Variants in CADM1 observed in about 807,000 individuals in gnomAD.
CADM1 encodes cell adhesion molecule 1.
A neutral mutation model predicts 53.1 loss-of-function variants in CADM1; 15 were observed. That is an observed-to-expected ratio of 0.28 (90% CI 0.19 to 0.44). The LOEUF is 0.44. Among genes scored for constraint, CADM1 ranks in the 20% least tolerant of loss-of-function variants. CADM1 has a pLI of 1.00. For missense variants in CADM1, 434 were observed against 611.3 expected, an observed-to-expected ratio of 0.71 and a Z score of 3.06; for synonymous variants, 281 against 243.0, an observed-to-expected ratio of 1.16 and a Z score of -1.45.
intron 1 of CADM1, among the ~76,000 whole-genome samples, chr11:115,291,224 GA>G (rs571372420): frequency 8.0e-5 from 12 of 150,416 alleles, no homozygotes; most frequent in East Asian, 2.0e-4. Context: ...TGCTTTGAGG[GA>G]AAAAAAAATG....
intron 1 of CADM1, among the ~76,000 whole-genome samples, chr11:115,460,167 C>G (rs1948764508): frequency 1.3e-5 from 2 of 152,046 alleles, no homozygotes; most frequent in Admixed American, 6.6e-5. Flanking sequence ...GCTTCTCAGT[C>G]TTACTTCTGG....
At chr11:115,379,185 T>C (rs1318835554) in intron 1 of CADM1, among the ~76,000 whole-genome samples, 4 of 152,250 alleles carry the variant, frequency 2.6e-5, no homozygotes, top group African/African-American at 9.6e-5. Context: ...CCAGGTCTTA[T>C]TTGATTTAGC....
chr11:115,209,700 C>T, intron 7 of CADM1, 43 bp from the exon 8 acceptor site: 23 of 1,607,944 alleles, frequency 1.4e-5, no homozygotes, highest in Non-Finnish European at 2.0e-5. Context: ...CAATGCTGAA[C>T]ACAACAATGA....
chr11:115,213,546 G>A (rs558958469), intron 7 of CADM1, among the ~76,000 whole-genome samples: 5 of 152,164 alleles, frequency 3.3e-5, no homozygotes, highest in Admixed American at 1.3e-4. Context: ...CAGATATGGT[G>A]TAAAGCATGC....
At chr11:115,293,283 A>C (rs1943956251) in intron 1 of CADM1, among the ~76,000 whole-genome samples, 1 of 152,008 alleles carries the variant, frequency 6.6e-6, no homozygotes, top group East Asian at 1.9e-4. Flanking sequence ...AACACAAACA[A>C]TTAGCTGGGC....
chr11:115,322,444 A>T (rs961440090), intron 1 of CADM1, among the ~76,000 whole-genome samples: 1 of 152,226 alleles, frequency 6.6e-6, no homozygotes, highest in African/African-American at 2.4e-5. Context: ...TCACCTGTTT[A>T]TAGTGTACAG....
At chr11:115,384,420 C>T (rs1235686103) in intron 1 of CADM1, among the ~76,000 whole-genome samples, 1 of 152,164 alleles carries the variant, frequency 6.6e-6, no homozygotes, top group Non-Finnish European at 1.5e-5. Context: ...CACCCTTAAA[C>T]CTAGACTCTT....
At chr11:115,273,329 C>T (rs1372428412) in intron 1 of CADM1, among the ~76,000 whole-genome samples, 3 of 152,120 alleles carry the variant, frequency 2.0e-5, no homozygotes, top group Admixed American at 6.5e-5. Context: ...TTTTTTCCAT[C>T]ATATTAAATT....
intron 1 of CADM1, among the ~76,000 whole-genome samples, chr11:115,318,654 G>C (rs1231078231): frequency 1.3e-5 from 2 of 152,190 alleles, no homozygotes; most frequent in Admixed American, 1.3e-4. Context: ...GGCAAGGAAA[G>C]ATGACGGCTT....
intron 1 of CADM1, among the ~76,000 whole-genome samples, chr11:115,474,168 G>A (rs530110910): frequency 6.6e-6 from 1 of 151,504 alleles, no homozygotes; most frequent in African/African-American, 2.4e-5. Context: ...GTGGGCGCCT[G>A]TAGTCCCAGC....
intron 1 of CADM1, among the ~76,000 whole-genome samples, chr11:115,387,752 T>C (rs1477438464): frequency 6.6e-6 from 1 of 152,140 alleles, no homozygotes; most frequent in African/African-American, 2.4e-5. Context: ...GAACTCACAA[T>C]TCCTAAAATA....
At chr11:115,410,649 A>G (rs572189062) in intron 1 of CADM1, among the ~76,000 whole-genome samples, 42 of 152,164 alleles carry the variant, frequency 2.8e-4, no homozygotes, top group Non-Finnish European at 4.9e-4. Context: ...TTCGATGTTT[A>G]AAAAAAGGGA....
At chr11:115,433,578 C>A (rs910617681) in intron 1 of CADM1, among the ~76,000 whole-genome samples, 1 of 152,170 alleles carries the variant, frequency 6.6e-6, no homozygotes, top group East Asian at 1.9e-4. Context: ...CAGAAGGAAG[C>A]AAACGCACAT....
In CADM1 at chr11:115,241,925, A is replaced by C. The variant is rs148717570; in HGVS notation, c.125-1505T>G. On this transcript the variant is annotated intron_variant, in intron 1 of 11. Coordinates refer to ENST00000331581, the MANE Select transcript of CADM1 (RefSeq NM_001301043.2). ...TATAAATAGAGATGCAATTAGAATA[A>C]ATGGAAGGTTTCTACCTGCTATCAT... Among the ~76,000 whole-genome samples the C allele has an allele frequency of 1.6e-3, 246 of 152,218 alleles. 1 individual carries two copies. Among genetic ancestry groups the C allele is most frequent in the African/African-American group, 5.7e-3 (237 of 41,530 alleles).
chr11:115,182,872 T>C (rs1939377590), intron 10 of CADM1, among the ~76,000 whole-genome samples: 1 of 152,210 alleles, frequency 6.6e-6, no homozygotes, highest in Non-Finnish European at 1.5e-5. Context: ...TAGCTTTTCT[T>C]TTGGCAAAAA....
At position 115,175,643 on chromosome 11, in the gene CADM1, C is replaced by T. The variant is rs1253054234; in HGVS notation, c.*831G>A. ...GAAAAAGGAGGAGTCCTTTCTGCCC[C>T]AAACCTTTCTGGACAGCGTAGGGTA... is the stretch of plus-strand genomic sequence containing the variant. On this transcript the variant is annotated 3_prime_UTR_variant, in exon 12 of 12. Coordinates refer to ENST00000331581, the MANE Select transcript of CADM1 (RefSeq NM_001301043.2). The T allele has an allele frequency of 1.0e-6, 1 of 985,588 alleles. No homozygotes were observed. The highest frequency in any genetic ancestry group is 1.7e-5 in the African/African-American group (1 of 57,208). 61.1% of individuals were successfully genotyped at this position (985,588 alleles called of 1,614,324 possible). A position where few individuals can be genotyped will look rare whatever the true frequency, so the allele number is the denominator to read the frequency against.
chr11:115,254,479 G>A (rs778709127), intron 1 of CADM1, among the ~76,000 whole-genome samples: 1 of 151,436 alleles, frequency 6.6e-6, no homozygotes, highest in Non-Finnish European at 1.5e-5. Context: ...ACAGGCCTTA[G>A]TATTGGACCT....
At chr11:115,229,412 T>G (rs1175807602) in intron 4 of CADM1, 141 bp from the exon 5 acceptor site, 11 of 763,502 alleles carry the variant, frequency 1.4e-5, no homozygotes, top group Non-Finnish European at 2.5e-5. Context: ...GAGAGTAACC[T>G]GTGGATAGTT....
chr11:115,369,320 T>C (rs1946255613), intron 1 of CADM1, among the ~76,000 whole-genome samples: 5 of 152,156 alleles, frequency 3.3e-5, no homozygotes. Flanking sequence ...GTGAGAAACA[T>C]TAAGAAAGCT....
Sources: allele counts gnomAD v4.1 joint callset (sites outside exome capture counted in the v4.1 genomes callset), GRCh38; gene constraint gnomAD v4.1.1; transcripts MANE v1.5; gene names NCBI Gene and HGNC (gene_info 2026-07-23, HGNC 2026-07-21).